Variants in SGPP2 observed in about 807,000 individuals in gnomAD.
The protein encoded by SGPP2 is sphingosine 1-phosphate phosphohydrolase 2.
SGPP2 carries 30 observed loss-of-function variants against 33.9 expected under a neutral mutation model. That is an observed-to-expected ratio of 0.89 (90% CI 0.66 to 1.20). The LOEUF is 1.20. Among genes scored for constraint, SGPP2 ranks in the 50% most tolerant of loss-of-function variants. SGPP2 has a pLI of 0.00. For missense variants in SGPP2, 458 were observed against 532.1 expected (o/e 0.86, Z 1.37); for synonymous variants, 233 against 225.0 (o/e 1.04, Z -0.32).
At chr2:222,424,285 G>A (rs1448886768), upstream of SGPP2, among the ~76,000 whole-genome samples, 2 of 150,978 alleles carry the variant, frequency 1.3e-5, no homozygotes, top group African/African-American at 2.4e-5. Context: ...GGGGTTGGGG[G>A]CGCCGGGAGA....
intron 2 of SGPP2, among the ~76,000 whole-genome samples, chr2:222,497,877 G>C (rs1249854370): frequency 6.6e-6 from 1 of 152,206 alleles, no homozygotes; most frequent in Non-Finnish European, 1.5e-5. Flanking sequence ...CTTTGTACCA[G>C]TTTCCTTTAA....
chr2:222,467,142 A>G (rs1185084144), intron 1 of SGPP2, among the ~76,000 whole-genome samples: 1 of 152,198 alleles, frequency 6.6e-6, no homozygotes, highest in Non-Finnish European at 1.5e-5. Context: ...ACTCACAGTG[A>G]GGTCCACGGG....
At chr2:222,524,776 G>A (rs139983486) in intron 3 of SGPP2, among the ~76,000 whole-genome samples, 168 bp from the exon 4 acceptor site, 195 of 152,140 alleles carry the variant, frequency 1.3e-3, no homozygotes, top group African/African-American at 4.6e-3. Context: ...TCTTTCTTCT[G>A]TCTCCCCGTT....
At chr2:222,473,047 CAAAGTT>C (rs1697872570) in intron 1 of SGPP2, among the ~76,000 whole-genome samples, 1 of 152,040 alleles carries the variant, frequency 6.6e-6, no homozygotes. Flanking sequence ...AAAAAATAAA[CAAAGTT>C]AAACTAAACT....
chr2:222,505,501 TCA>T (rs1491377504), intron 2 of SGPP2, among the ~76,000 whole-genome samples: 1 of 152,126 alleles, frequency 6.6e-6, no homozygotes, highest in East Asian at 1.9e-4. Context: ...TTGGAAAAAC[TCA>T]CAGATGAAAG....
intron 4 of SGPP2, among the ~76,000 whole-genome samples, chr2:222,554,390 T>C (rs763947570): frequency 6.6e-5 from 10 of 152,180 alleles, no homozygotes; most frequent in Non-Finnish European, 1.5e-4. Flanking sequence ...CCTCTATAGG[T>C]GGAACTTGGG....
At chr2:222,463,136 C>G (rs544102667) in intron 1 of SGPP2, among the ~76,000 whole-genome samples, 4 of 152,338 alleles carry the variant, frequency 2.6e-5, no homozygotes, top group Non-Finnish European at 4.4e-5. Context: ...CAGCAAGACT[C>G]TTTTGGCAAA....
intron 4 of SGPP2, among the ~76,000 whole-genome samples, chr2:222,544,616 A>AAT (rs1689144607): frequency 6.6e-6 from 1 of 152,156 alleles, no homozygotes; most frequent in Admixed American, 6.5e-5. Context: ...TCATTTAGGG[A>AAT]ATCATGACAA....
In SGPP2 at chr2:222,460,126, G is replaced by A. The variant is rs1018667604; in HGVS notation, c.220-14442G>A. On this transcript the variant is annotated intron_variant, in intron 1 of 4. Coordinates refer to ENST00000321276, the MANE Select transcript of SGPP2 (RefSeq NM_152386.4). The surrounding 1 kb of genome is among the most constrained non-coding windows in gnomAD (Gnocchi z 4.3). ...GTTTGCTCGGGGTGGGCATTGCACA[G>A]CCTGTGGCATTCAGTTGCCATCCAC... Among the ~76,000 whole-genome samples, 1 of 152,208 alleles carries A rather than the reference G, an allele frequency of 6.6e-6. No homozygotes were observed. The highest frequency in any genetic ancestry group is 2.4e-5 in the African/African-American group (1 of 41,456).
In SGPP2 at chr2:222,558,439, C is replaced by G. The variant is rs1559179661; in HGVS notation, c.741C>G (p.Pro247=). The G allele has an allele frequency of 2.5e-6, 4 of 1,614,066 alleles. No homozygotes were observed. The highest frequency in any genetic ancestry group is 3.4e-6 in the Non-Finnish European group (4 of 1,180,046). ...TFIDCLDSAS[P]LFPVCVIVVP... ...TCGACTGCCTGGACTCGGCCAGCCC[C>G]CTCTTCCCCGTGTGTGTCATAGTTG... The change falls in exon 5 of 5, where the codon CCC becomes CCG. Residue 247 remains proline (P), a synonymous_variant. Transcript: ENST00000321276.
intron 3 of SGPP2, among the ~76,000 whole-genome samples, chr2:222,523,742 A>G (rs1698718574): frequency 6.6e-6 from 1 of 151,202 alleles, no homozygotes. Context: ...TATATATTAT[A>G]TATTGGTTTA....
chr2:222,443,121 A>G (rs1234129488), intron 1 of SGPP2, among the ~76,000 whole-genome samples: 1 of 152,218 alleles, frequency 6.6e-6, no homozygotes, highest in African/African-American at 2.4e-5. Flanking sequence ...CAGAATGGCC[A>G]TTGTCTGGTG....
intron 4 of SGPP2, among the ~76,000 whole-genome samples, chr2:222,526,315 G>T (rs548925737): frequency 6.6e-6 from 1 of 152,192 alleles, no homozygotes; most frequent in Non-Finnish European, 1.5e-5. Context: ...GTGCTGCCTG[G>T]GTGAAGGCGG....
chr2:222,424,141 T>C (rs1039788796), upstream of SGPP2, among the ~76,000 whole-genome samples: 2 of 152,006 alleles, frequency 1.3e-5, no homozygotes, highest in African/African-American at 4.8e-5. Flanking sequence ...CACCTTGGGC[T>C]CAGAGTTGCA....
upstream of SGPP2, among the ~76,000 whole-genome samples, chr2:222,424,247 C>A (rs1291319120): frequency 7.9e-6 from 1 of 127,084 alleles, no homozygotes; most frequent in Non-Finnish European, 1.6e-5. Context: ...ATTAGTGTTA[C>A]GTCTGCCGGG....
At chr2:222,486,521 A>G (rs1242713886) in intron 2 of SGPP2, among the ~76,000 whole-genome samples, 3 of 152,216 alleles carry the variant, frequency 2.0e-5, no homozygotes, top group African/African-American at 7.2e-5. Context: ...TAGTTTGGCT[A>G]TTCCTTCAGT....
chr2:222,437,754 A>G (rs531016431), intron 1 of SGPP2, among the ~76,000 whole-genome samples: 16 of 152,304 alleles, frequency 1.1e-4, no homozygotes, highest in African/African-American at 3.4e-4. Context: ...TTGATAACCC[A>G]TAGTCAAATC....
intron 1 of SGPP2, among the ~76,000 whole-genome samples, chr2:222,454,733 T>TA (rs78696026): frequency 0.073 from 8,623 of 117,784 alleles, 240 homozygotes; most frequent in Non-Finnish European, 0.079. Flanking sequence ...GTGGAGCTGT[T>TA]AAAAAAAAAA....
At position 222,465,381 on chromosome 2, in the gene SGPP2, A is replaced by G. The variant is rs1697730049; in HGVS notation, c.220-9187A>G. 6.6e-6 allele frequency among the ~76,000 whole-genome samples: 1 copy of G among 151,550 alleles called. No individual in the cohort carries two copies. The highest frequency in any genetic ancestry group is 1.5e-5 in the Non-Finnish European group (1 of 67,966). On this transcript the variant is annotated intron_variant, in intron 1 of 4. Transcript: ENST00000321276. This position sits in a 1 kb window ranked among gnomAD's most constrained non-coding sequence, Gnocchi z 4.1. ...TCTTTCTTAGGCTTCCTGAGTAATCATCATTTAATTTTCTTTATAGGTTGG... is the reference window on the plus strand; with the variant it reads ...TCTTTCTTAGGCTTCCTGAGTAATCGTCATTTAATTTTCTTTATAGGTTGG...
Sources: gnomAD v4.1 joint callset for allele counts (sites outside exome capture counted in the v4.1 genomes callset) on GRCh38, gnomAD v4.1.1 for gene constraint, Gnocchi (gnomAD v3.1) non-coding constraint, MANE v1.5 for transcripts, NCBI Gene and HGNC (gene_info 2026-07-23, HGNC 2026-07-21) for gene names.